Variants in ERBB4 observed in about 807,000 individuals in gnomAD.
ERBB4 encodes the protein erb-b2 receptor tyrosine kinase 4.
In ERBB4, 42 loss-of-function variants were observed where a neutral mutation model predicts 158.0. The observed-to-expected ratio is 0.27, with a 90% CI of 0.21 to 0.34. The LOEUF (loss-of-function observed/expected upper bound fraction) is 0.34, where lower values mean the gene tolerates loss of function less well. Ranked by LOEUF, ERBB4 falls within the 10% of genes least tolerant of loss-of-function variation. The pLI, the probability that ERBB4 is intolerant of heterozygous loss-of-function variation, is 1.00. For missense variants in ERBB4, 1,333 were observed against 1,624.1 expected, an observed-to-expected ratio of 0.82 and a Z score of 3.08; for synonymous variants, 583 against 558.7, an observed-to-expected ratio of 1.04 and a Z score of -0.61.
chr2:212,082,698 T>C (rs2078483719), intron 2 of ERBB4, among the ~76,000 whole-genome samples: 1 of 152,038 alleles, frequency 6.6e-6, no homozygotes, highest in South Asian at 2.1e-4. Flanking sequence ...ATGAACAATT[T>C]TGATGTCCCT....
At chr2:211,537,817 A>AT (rs2066696997) in intron 20 of ERBB4, among the ~76,000 whole-genome samples, 2 of 151,926 alleles carry the variant, frequency 1.3e-5, no homozygotes, top group South Asian at 4.1e-4. Flanking sequence ...TTTATTTCTT[A>AT]TTTTATCAAT....
chr2:212,294,905 G>T (rs539827064), intron 1 of ERBB4, among the ~76,000 whole-genome samples: 184 of 152,176 alleles, frequency 1.2e-3, no homozygotes, highest in Non-Finnish European at 2.1e-3. Context: ...TCTCATTCAG[G>T]TTCACTTCCA....
At chr2:212,234,660 T>C (rs1303976302) in intron 1 of ERBB4, among the ~76,000 whole-genome samples, 1 of 152,176 alleles carries the variant, frequency 6.6e-6, no homozygotes. Flanking sequence ...CTTGACTTTT[T>C]CATGATCGCC....
intron 2 of ERBB4, among the ~76,000 whole-genome samples, chr2:212,045,213 G>T (rs1054297117): frequency 6.6e-6 from 1 of 152,030 alleles, no homozygotes; most frequent in Admixed American, 6.6e-5. Context: ...TAATCCCAGC[G>T]CTTTGGGAGG....
At chr2:212,347,488 G>GA (rs1299807934) in intron 1 of ERBB4, among the ~76,000 whole-genome samples, 2 of 152,102 alleles carry the variant, frequency 1.3e-5, no homozygotes, top group Non-Finnish European at 2.9e-5. Context: ...GAAATAGTGT[G>GA]ACTTTATTTA....
At chr2:212,538,378 C>T in intron 1 of ERBB4, 71 bp downstream of exon 1, 2 of 1,343,632 alleles carry the variant, frequency 1.5e-6, no homozygotes, top group South Asian at 1.2e-5. Context: ...GTGAAGAGGG[C>T]AGGGGAGCCA....
chr2:211,587,699 C>G (rs1307798234), intron 19 of ERBB4, among the ~76,000 whole-genome samples: 1 of 151,804 alleles, frequency 6.6e-6, no homozygotes, highest in African/African-American at 2.4e-5. Context: ...GAAGAAGATC[C>G]TAAGATTTGA....
At position 211,471,485 on chromosome 2, in the gene ERBB4, T is replaced by C. The variant is rs552002121; in HGVS notation, c.2488-40385A>G. ...TTTAATACTATTTACATTCAATATA[T>C]GTGCTGATAAAGCAGCGCCAAAAAA... On this transcript the variant is annotated intron_variant, in intron 20 of 27. Coordinates refer to ENST00000342788, the MANE Select transcript of ERBB4 (RefSeq NM_005235.3). Among the ~76,000 whole-genome samples the C allele has an allele frequency of 7.2e-5, 11 of 152,278 alleles. No individual in the cohort carries two copies. The East Asian group carries it at 2.1e-3, about 29-fold the overall frequency.
chr2:211,802,954 T>C (rs1055885180), intron 3 of ERBB4, among the ~76,000 whole-genome samples: 1 of 152,198 alleles, frequency 6.6e-6, no homozygotes, highest in Non-Finnish European at 1.5e-5. Flanking sequence ...TTTCACAAGA[T>C]TTCTAATTAC....
intron 1 of ERBB4, among the ~76,000 whole-genome samples, chr2:212,344,478 G>A (rs200832165): frequency 1.4e-5 from 1 of 70,468 alleles, no homozygotes; most frequent in Admixed American, 1.3e-4. Flanking sequence ...GTGTATATAT[G>A]TGTGTGTGTG....
chr2:211,706,239 T>G (rs2106055024), intron 9 of ERBB4, among the ~76,000 whole-genome samples: 2 of 152,310 alleles, frequency 1.3e-5, no homozygotes, highest in South Asian at 4.1e-4. Flanking sequence ...TTTAGAAGTA[T>G]GTATCTACCT....
At chr2:211,591,907 T>C (rs757086174) in intron 19 of ERBB4, among the ~76,000 whole-genome samples, 6 of 151,052 alleles carry the variant, frequency 4.0e-5, no homozygotes, top group Non-Finnish European at 7.3e-5. Context: ...ACCTACCTTG[T>C]TGAGGTTGTG....
chr2:212,367,952 G>A (rs981349044), intron 1 of ERBB4, among the ~76,000 whole-genome samples: 5 of 151,946 alleles, frequency 3.3e-5, no homozygotes, highest in Non-Finnish European at 5.9e-5. Context: ...GTGTGGATGC[G>A]GTGAATAGGG....
At chr2:212,494,614 G>A (rs1433184350) in intron 1 of ERBB4, among the ~76,000 whole-genome samples, 1 of 151,892 alleles carries the variant, frequency 6.6e-6, no homozygotes, top group Non-Finnish European at 1.5e-5. Flanking sequence ...TAACCCGAAT[G>A]GAACCATGAG....
intron 1 of ERBB4, among the ~76,000 whole-genome samples, chr2:212,328,389 G>A (rs764441603): frequency 1.1e-4 from 16 of 151,922 alleles, no homozygotes; most frequent in African/African-American, 3.9e-4. Context: ...ACTTAGCACC[G>A]CTTCTGCTAT....
chr2:211,542,375 G>A (rs1257118064), intron 20 of ERBB4, among the ~76,000 whole-genome samples: 1 of 151,896 alleles, frequency 6.6e-6, no homozygotes, highest in African/African-American at 2.4e-5. Context: ...GGAGGAGAAA[G>A]GCTCTTCTTG....
intron 20 of ERBB4, among the ~76,000 whole-genome samples, chr2:211,507,896 T>C: frequency 6.6e-6 from 1 of 152,176 alleles, no homozygotes; most frequent in East Asian, 1.9e-4. Flanking sequence ...GGATTCCCTA[T>C]TTAATAAAAG....
intron 20 of ERBB4, among the ~76,000 whole-genome samples, chr2:211,511,561 AC>A (rs1391151699): frequency 1.3e-5 from 2 of 152,032 alleles, no homozygotes; most frequent in African/African-American, 4.8e-5. Context: ...GAAATGACAA[AC>A]CTTGAAAAGC....
intron 18 of ERBB4, among the ~76,000 whole-genome samples, chr2:211,622,962 CAAAAAAAAAAAA>C (rs1157306563): frequency 8.5e-5 from 1 of 11,708 alleles, no homozygotes; most frequent in African/African-American, 4.7e-4. Context: ...GACTCCATCT[CAAAAAAAAAAAA>C]AAAAAAAAAA....
Sources: allele counts gnomAD v4.1 joint callset (sites outside exome capture counted in the v4.1 genomes callset), GRCh38; gene constraint gnomAD v4.1.1; transcripts MANE v1.5; gene names NCBI Gene and HGNC (gene_info 2026-07-23, HGNC 2026-07-21).